CAPS2: variants seen among roughly 807,000 people sequenced by gnomAD.
The protein encoded by CAPS2 is calcyphosine 2.
A neutral mutation model predicts 86.5 loss-of-function variants in CAPS2; 98 were observed. That is an observed-to-expected ratio of 1.13 (90% CI 0.96 to 1.34). CAPS2 has a LOEUF of 1.34. Among genes scored for constraint, CAPS2 ranks in the 40% most tolerant of loss-of-function variants. The probability of loss-of-function intolerance (pLI) is 0.00; values close to 1 mark genes in which losing one functional copy is unlikely to be tolerated. For synonymous variants in CAPS2, 210 were observed against 225.1 expected, an observed-to-expected ratio of 0.93 and a Z score of 0.60; for missense variants, 729 against 686.8, an observed-to-expected ratio of 1.06 and a Z score of -0.69.
chr12:75,321,608 GAA>G, intron 4 of CAPS2, 32 bp from the exon 5 acceptor site: 1 of 1,430,514 alleles, frequency 7.0e-7, no homozygotes, highest in Non-Finnish European at 9.5e-7. Context: ...CATGCTATCA[GAA>G]AAAAAAAGTA....
At chr12:75,283,766 A>C (rs1283858577) in intron 15 of CAPS2, among the ~76,000 whole-genome samples, 3 of 152,108 alleles carry the variant, frequency 2.0e-5, no homozygotes, top group African/African-American at 7.2e-5. Context: ...GTGAACCAAG[A>C]TCACACCACT....
At chr12:75,280,694 TA>T (rs1426628070) in intron 16 of CAPS2, among the ~76,000 whole-genome samples, 1 of 151,870 alleles carries the variant, frequency 6.6e-6, no homozygotes, top group African/African-American at 2.4e-5. Context: ...AAAATTCTCA[TA>T]GAGTAGCTGT....
At chr12:75,309,170 G>A (rs1334654223) in intron 7 of CAPS2, among the ~76,000 whole-genome samples, 3 of 152,150 alleles carry the variant, frequency 2.0e-5, no homozygotes, top group African/African-American at 4.8e-5. Context: ...AGGCAGACAC[G>A]GGCTAGAGAT....
intron 1 of CAPS2, among the ~76,000 whole-genome samples, chr12:75,349,133 G>T (rs1030474219): frequency 6.6e-6 from 1 of 152,110 alleles, no homozygotes; most frequent in Admixed American, 6.6e-5. Context: ...ACACATGCAC[G>T]TGAGGAAACA....
intron 8 of CAPS2, among the ~76,000 whole-genome samples, chr12:75,302,341 T>G (rs1332913231): frequency 6.6e-6 from 1 of 152,190 alleles, no homozygotes; most frequent in Non-Finnish European, 1.5e-5. Context: ...AGGGAACAGA[T>G]GATACTGAAG....
At chr12:75,372,337 C>T (rs903000574) in intron 1 of CAPS2, among the ~76,000 whole-genome samples, 1 of 152,108 alleles carries the variant, frequency 6.6e-6, no homozygotes, top group Non-Finnish European at 1.5e-5. Flanking sequence ...TAGTTTAAGT[C>T]AATCACCCCA....
intron 13 of CAPS2, among the ~76,000 whole-genome samples, chr12:75,291,406 A>G (rs2138286598): frequency 6.9e-6 from 1 of 145,400 alleles, no homozygotes; most frequent in African/African-American, 2.5e-5. Flanking sequence ...TAATTTTATA[A>G]TTCATATAAT....
intron 1 of CAPS2, among the ~76,000 whole-genome samples, chr12:75,388,075 G>A (rs767758626): frequency 2.6e-4 from 39 of 152,284 alleles, no homozygotes; most frequent in South Asian, 1.2e-3. Flanking sequence ...CACGTGTCAT[G>A]GGAGAGACTA....
chr12:75,312,824 C>A (rs747177696), intron 7 of CAPS2, 24 bp downstream of exon 7: 1 of 1,306,530 alleles, frequency 7.7e-7, no homozygotes, highest in Non-Finnish European at 1.1e-6. Flanking sequence ...GAATTGATTT[C>A]TATTACCAGT....
intron 1 of CAPS2, among the ~76,000 whole-genome samples, chr12:75,370,869 G>GA (rs967724308): frequency 2.4e-4 from 37 of 151,788 alleles, no homozygotes; most frequent in African/African-American, 8.7e-4. Context: ...TTTTCTGAAG[G>GA]AAAAAAACAT....
upstream of CAPS2, chr12:75,329,725 A>T: frequency 4.6e-6 from 4 of 865,162 alleles, no homozygotes. Flanking sequence ...AGACCCAGAT[A>T]TCTGAATTGA....
At chr12:75,324,815 AAAAAT>A (rs1283440877) in intron 2 of CAPS2, among the ~76,000 whole-genome samples, 4 of 152,118 alleles carry the variant, frequency 2.6e-5, no homozygotes, top group Non-Finnish European at 5.9e-5. Context: ...ACTCTAAACC[AAAAAT>A]AAAATAATTT....
In CAPS2 at chr12:75,371,378, G is replaced by T. The variant is rs573331390; in HGVS notation, c.-395+19460C>A. ...GCCTGGTTTATTCTAGCTGGCAGCC[G>T]ATTGGATGTTGCCCACCCACATTGA... On this transcript the variant is annotated intron_variant, in intron 1 of 5. Transcript: ENST00000551829. The T allele has an allele frequency of 3.3e-5, 7 of 213,794 alleles. 1 individual carries two copies. The Admixed American group carries it at 3.9e-4, about 12-fold the overall frequency. 13.2% of individuals were successfully genotyped at this position (213,794 alleles called of 1,614,324 possible). A position where few individuals can be genotyped will look rare whatever the true frequency, so the allele number is the denominator to read the frequency against.
intron 5 of CAPS2, among the ~76,000 whole-genome samples, chr12:75,317,480 T>C (rs1312507778): frequency 6.6e-6 from 1 of 152,058 alleles, no homozygotes; most frequent in African/African-American, 2.4e-5. Flanking sequence ...TTTGTTCAGG[T>C]TGAAAACACT....
In CAPS2 at chr12:75,375,868, T is replaced by C. The variant is rs570731526; in HGVS notation, c.-395+14970A>G. On this transcript the variant is annotated intron_variant, in intron 1 of 5. Coordinates refer to the CAPS2 transcript ENST00000551829. The stretch of plus-strand genomic sequence containing the variant: ...CCCCTGCCACCTCGGGATCCAATTA[T>C]TCCCATTGAATGTAAGTTTTCCAAT... Among the ~76,000 whole-genome samples the C allele has an allele frequency of 9.2e-5, 14 of 152,316 alleles. No homozygotes were observed. The South Asian group carries it at 2.7e-3, about 29-fold the overall frequency.
upstream of CAPS2, among the ~76,000 whole-genome samples, chr12:75,327,627 T>C (rs575656741): frequency 2.6e-5 from 4 of 151,898 alleles, no homozygotes; most frequent in Non-Finnish European, 5.9e-5. Context: ...TAGACAGACA[T>C]ACATTGTAAT....
downstream of CAPS2, chr12:75,276,382 A>G: frequency 7.3e-7 from 1 of 1,368,058 alleles, no homozygotes; most frequent in Non-Finnish European, 9.4e-7. Flanking sequence ...GAAATACTTG[A>G]TAACAAACAA....
At chr12:75,330,717 A>G (rs987523752), upstream of CAPS2, among the ~76,000 whole-genome samples, 1 of 152,110 alleles carries the variant, frequency 6.6e-6, no homozygotes, top group Non-Finnish European at 1.5e-5. Context: ...TGTATATATA[A>G]TTAAAATTTA....
upstream of CAPS2, among the ~76,000 whole-genome samples, chr12:75,329,361 A>AT (rs1251515300): frequency 6.6e-6 from 1 of 152,196 alleles, no homozygotes; most frequent in African/African-American, 2.4e-5. Context: ...GCACTTCTAA[A>AT]TGGCTTCTGT....
Sources: allele counts gnomAD v4.1 joint callset (sites outside exome capture counted in the v4.1 genomes callset), GRCh38; gene constraint gnomAD v4.1.1; transcripts MANE v1.5; gene names NCBI Gene and HGNC (gene_info 2026-07-23, HGNC 2026-07-21).